EWSR1: variants seen among roughly 807,000 people sequenced by gnomAD.
EWSR1 encodes the protein RNA-binding protein EWS.
Under a neutral mutation model 92.1 loss-of-function variants are expected in EWSR1, and 14 were observed. The observed-to-expected ratio is 0.15, with a 90% confidence interval of 0.10 to 0.24. EWSR1 has a LOEUF of 0.24. Among genes scored for constraint, EWSR1 ranks in the 10% least tolerant of loss-of-function variants. The probability of loss-of-function intolerance (pLI) is 1.00; values close to 1 mark genes in which losing one functional copy is unlikely to be tolerated. For missense variants in EWSR1, 637 were observed against 870.9 expected, an observed-to-expected ratio of 0.73 and a Z score of 3.38; for synonymous variants, 303 against 292.9, an observed-to-expected ratio of 1.03 and a Z score of -0.35.
intron 15 of EWSR1, 103 bp from the exon 16 acceptor site, chr22:29,299,496 G>A: frequency 6.7e-7 from 1 of 1,496,256 alleles, no homozygotes; most frequent in Non-Finnish European, 8.9e-7. Context: ...GAAGTGTCTG[G>A]TTTGTTCTGC....
At chr22:29,294,330 G>A (rs1162136853) in intron 11 of EWSR1, among the ~76,000 whole-genome samples, 1 of 152,086 alleles carries the variant, frequency 6.6e-6, no homozygotes, top group South Asian at 2.1e-4. Context: ...GATTTGGCCG[G>A]GCGCGGTAGC....
chr22:29,274,876 C>A (rs1316708333), intron 4 of EWSR1, among the ~76,000 whole-genome samples: 1 of 152,158 alleles, frequency 6.6e-6, no homozygotes, highest in East Asian at 1.9e-4. Context: ...ATGTTTCAGG[C>A]TGTCTCCCCC....
chr22:29,277,679 AGAC>A (rs1430256695), intron 4 of EWSR1: 3 of 251,958 alleles, frequency 1.2e-5, no homozygotes, highest in Non-Finnish European at 2.3e-5. Flanking sequence ...AAACTTGTTA[AGAC>A]GACCTGCTAG....
chr22:29,299,461 TGTC>T (rs1485427704), intron 15 of EWSR1, 130 bp downstream of exon 15: 9 of 1,489,090 alleles, frequency 6.0e-6, no homozygotes, highest in Non-Finnish European at 8.1e-6. Flanking sequence ...ATTTCTAAAT[TGTC>T]AGCCCGATGC....
intron 6 of EWSR1, among the ~76,000 whole-genome samples, chr22:29,284,100 C>G (rs1445761332): frequency 1.3e-5 from 2 of 151,320 alleles, no homozygotes; most frequent in Non-Finnish European, 2.9e-5. Flanking sequence ...TCCCAAAGTG[C>G]TGGGAATACA....
intron 4 of EWSR1, among the ~76,000 whole-genome samples, 193 bp downstream of exon 4, chr22:29,274,057 G>A (rs2058908092): frequency 6.6e-6 from 1 of 152,066 alleles, no homozygotes; most frequent in Non-Finnish European, 1.5e-5. Flanking sequence ...ATAGAATGTG[G>A]GTGGGATAAA....
chr22:29,291,702 A>G lies in EWSR1; in HGVS notation c.1012+103A>G. On this transcript the variant is annotated intron_variant, in intron 9 of 16. Transcript: ENST00000397938. ...TAGTTTCATAAGTGGTTTAAAAATG[A>G]TCTATACAAAAGAGACTAATGGGTA... The G allele has an allele frequency of 9.5e-6, 11 of 1,156,334 alleles. No homozygotes were observed. The South Asian group carries it at 1.6e-4, about 17-fold the overall frequency. The allele number at this position is 1,156,334 out of a possible 1,614,324, so 71.6% of individuals were successfully genotyped here.
At chr22:29,286,677 ACT>A (rs1289391604) in intron 6 of EWSR1, among the ~76,000 whole-genome samples, 3 of 105,170 alleles carry the variant, frequency 2.9e-5, no homozygotes, top group Admixed American at 1.2e-4. Context: ...ACAGAGCAAC[ACT>A]CTGTCTCAAA....
rs753695710 is a variant in EWSR1, at chr22:29,277,979, G to C, written c.227-51G>C. On this transcript the variant is annotated intron_variant, in intron 4 of 16. Coordinates refer to ENST00000397938, the MANE Select transcript of EWSR1 (RefSeq NM_005243.4). Reference sequence around the variant, plus strand: ...AAATTGTTCTGATAATGAGTGTCTAGGCAGATCTCTGAGGGGACCTGAAAT... The same window carrying C: ...AAATTGTTCTGATAATGAGTGTCTACGCAGATCTCTGAGGGGACCTGAAAT... 8 of 1,534,728 alleles carry C rather than the reference G, an allele frequency of 5.2e-6. No individual in the cohort carries two copies. The Admixed American group carries it at 1.2e-4, about 23-fold the overall frequency.
At chr22:29,299,426 A>AACAACTTTGAGTTGTCG in intron 15 of EWSR1, 95 bp downstream of exon 15, 1 of 1,522,252 alleles carries the variant, frequency 6.6e-7, no homozygotes, top group Admixed American at 2.2e-5. Context: ...CCCTCTGCTT[A>AACAACTTTGAGTTGTCG]ACAACTTTGA....
At chr22:29,277,780 A>G (rs1448091693) in intron 4 of EWSR1, 3 of 453,298 alleles carry the variant, frequency 6.6e-6, no homozygotes, top group Admixed American at 3.8e-5. Flanking sequence ...TTTCTGTAGC[A>G]TGACATGCCA....
intron 6 of EWSR1, among the ~76,000 whole-genome samples, chr22:29,285,571 G>A (rs2059962987): frequency 6.6e-6 from 1 of 151,340 alleles, no homozygotes. Flanking sequence ...TAGTTAATCA[G>A]GCATGTCTGA....
intron 6 of EWSR1, among the ~76,000 whole-genome samples, 169 bp downstream of exon 6, chr22:29,282,726 A>G (rs1384862437): frequency 6.6e-6 from 1 of 151,244 alleles, no homozygotes; most frequent in Non-Finnish European, 1.5e-5. Flanking sequence ...AGGGTCCCAT[A>G]GTGTTGCCTG....
At position 29,272,363 on chromosome 22, in the gene EWSR1, A is replaced by G. The variant is rs374284762; in HGVS notation, c.51-17A>G. On this transcript the variant is annotated splice_polypyrimidine_tract_variant and intron_variant, in intron 2 of 16. Coordinates refer to ENST00000397938, the MANE Select transcript of EWSR1 (RefSeq NM_005243.4). ...GAATGTTCTCTATTCAAGTTATTGCATTTAATTCTTTTGCAGCTACAGTGC... is the reference window on the plus strand; with the variant it reads ...GAATGTTCTCTATTCAAGTTATTGCGTTTAATTCTTTTGCAGCTACAGTGC... 7.4e-6 allele frequency: 12 copies of G among 1,614,058 alleles called. No homozygotes were observed. Among genetic ancestry groups the G allele is most frequent in the Non-Finnish European group, 9.3e-6 (11 of 1,179,960 alleles).
chr22:29,271,259 A>G (rs1414251303), intron 1 of EWSR1, among the ~76,000 whole-genome samples: 4 of 152,194 alleles, frequency 2.6e-5, no homozygotes, highest in Non-Finnish European at 4.4e-5. Context: ...TTCAAAAATA[A>G]TTACTTTAAC....
chr22:29,268,579 C>T (rs1444599604), intron 1 of EWSR1, among the ~76,000 whole-genome samples: 2 of 152,060 alleles, frequency 1.3e-5, no homozygotes, highest in East Asian at 3.9e-4. Flanking sequence ...CTTGCTGCGG[C>T]GGGGGCGCGC....
chr22:29,268,650 C>T (rs1211032957), intron 1 of EWSR1, among the ~76,000 whole-genome samples: 2 of 152,168 alleles, frequency 1.3e-5, no homozygotes, highest in African/African-American at 4.8e-5. Flanking sequence ...GGGCCTCCCG[C>T]CACGTGGGCG....
intron 11 of EWSR1, 106 bp downstream of exon 11, chr22:29,292,712 G>GACT: frequency 1.6e-6 from 1 of 643,110 alleles, no homozygotes; most frequent in Non-Finnish European, 2.7e-6. Flanking sequence ...GCCTTTGCCT[G>GACT]ACTTCTTTCT....
intron 14 of EWSR1, 81 bp from the exon 15 acceptor site, chr22:29,299,153 G>C: frequency 6.2e-7 from 1 of 1,612,076 alleles, no homozygotes; most frequent in Non-Finnish European, 8.5e-7. Flanking sequence ...TAGTGAGTGT[G>C]TACCTGTTCA....
Sources: allele counts gnomAD v4.1 joint callset (sites outside exome capture counted in the v4.1 genomes callset), GRCh38; gene constraint gnomAD v4.1.1; transcripts MANE v1.5; gene names NCBI Gene and HGNC (gene_info 2026-07-23, HGNC 2026-07-21).